SCAPER: variants seen among roughly 807,000 people sequenced by gnomAD.
SCAPER encodes the protein S phase cyclin A-associated protein in the endoplasmic reticulum.
A neutral mutation model predicts 182.2 loss-of-function variants in SCAPER; 98 were observed. The observed-to-expected ratio is 0.54, with a 90% CI of 0.46 to 0.64. The LOEUF (loss-of-function observed/expected upper bound fraction) is 0.64, where lower values mean the gene tolerates loss of function less well. SCAPER is among the 30% of genes least tolerant of loss of function. The pLI is 0.00. For missense variants in SCAPER, 1,432 were observed against 1,690.0 expected (o/e 0.85, Z 2.68); for synonymous variants, 605 against 564.6 (o/e 1.07, Z -1.01).
intron 20 of SCAPER, among the ~76,000 whole-genome samples, chr15:76,666,530 A>G (rs1476043056): frequency 4.0e-5 from 6 of 151,722 alleles, no homozygotes; most frequent in African/African-American, 1.5e-4. Context: ...CCTAAATCCA[A>G]CTCTCTCCCT....
intron 22 of SCAPER, among the ~76,000 whole-genome samples, chr15:76,607,488 T>A (rs1597648840): frequency 2.6e-5 from 4 of 152,142 alleles, no homozygotes; most frequent in Non-Finnish European, 2.9e-5. Context: ...TCTGACAATT[T>A]TGTGTCTTGG....
chr15:76,625,780 G>A lies in SCAPER; in HGVS notation c.2646-3951C>T, dbSNP rs76965214. 5.9e-3 allele frequency among the ~76,000 whole-genome samples: 902 copies of A among 152,228 alleles called. 4 individuals carry two copies. The highest frequency in any genetic ancestry group is 0.021 in the African/African-American group (869 of 41,534). On this transcript the variant is annotated intron_variant, in intron 21 of 31. Transcript: ENST00000563290. Reference sequence around the variant, plus strand: ...AGACGCAGGAGTCCACGGTGGGAATGTGGACTGCTGGGGATCACGCACTTC... The same window carrying A: ...AGACGCAGGAGTCCACGGTGGGAATATGGACTGCTGGGGATCACGCACTTC...
chr15:76,673,989 A>C (rs550681526), intron 20 of SCAPER, among the ~76,000 whole-genome samples: 22 of 143,428 alleles, frequency 1.5e-4, no homozygotes, highest in African/African-American at 4.8e-4. Flanking sequence ...ACACACACAC[A>C]CCCCAATCAG....
At chr15:76,384,656 A>G (rs1477900054) in intron 27 of SCAPER, among the ~76,000 whole-genome samples, 1 of 152,236 alleles carries the variant, frequency 6.6e-6, no homozygotes, top group East Asian at 1.9e-4. Flanking sequence ...CAAAATGCAT[A>G]AGATAGTGCT....
intron 8 of SCAPER, among the ~76,000 whole-genome samples, chr15:76,776,172 A>C (rs941102573): frequency 2.0e-5 from 3 of 152,152 alleles, no homozygotes; most frequent in Admixed American, 1.3e-4. Flanking sequence ...TCCAGACAGG[A>C]TGCTTCAACA....
Position 76,504,942 on chromosome 15 carries a change from A to G in SCAPER, c.2871T>C (p.Ala957=). The change falls in exon 24 of 32, where the codon GCT becomes GCC. Residue 957 remains alanine (A), a synonymous_variant. Transcript: ENST00000563290. ...TGTGTTCAAGGGCTGTTAATCCACC[A>G]GCAGCTTGAAATGCAATCTGATCTG... ...NVADQIAFQA[A]GGLTALEHIL... is the part of the protein sequence containing the mutation. 6.2e-7 allele frequency: 1 copy of G among 1,612,836 alleles called. No individual in the cohort carries two copies. The highest frequency in any genetic ancestry group is 2.2e-5 in the East Asian group (1 of 44,834).
At chr15:76,520,093 T>C (rs2042726584) in intron 23 of SCAPER, among the ~76,000 whole-genome samples, 1 of 152,230 alleles carries the variant, frequency 6.6e-6, no homozygotes, top group African/African-American at 2.4e-5. Flanking sequence ...ACCTCTAGAT[T>C]GTGTTTAGTC....
At chr15:76,633,652 C>G (rs2053346772) in intron 21 of SCAPER, among the ~76,000 whole-genome samples, 1 of 152,160 alleles carries the variant, frequency 6.6e-6, no homozygotes, top group Non-Finnish European at 1.5e-5. Context: ...GGAGGCCTTG[C>G]CTGGTGAGGA....
chr15:76,398,768 G>A (rs182572504), intron 27 of SCAPER, among the ~76,000 whole-genome samples: 11 of 152,276 alleles, frequency 7.2e-5, no homozygotes, highest in African/African-American at 2.6e-4. Context: ...GAATTCACAA[G>A]TCTTTTCCAA....
At chr15:76,711,608 T>C (rs759304126) in intron 17 of SCAPER, among the ~76,000 whole-genome samples, 2 of 151,888 alleles carry the variant, frequency 1.3e-5, no homozygotes, top group African/African-American at 4.8e-5. Flanking sequence ...TATGAAAAAA[T>C]AGTTTTTAAT....
intron 23 of SCAPER, among the ~76,000 whole-genome samples, chr15:76,542,984 A>AAT (rs1278377455): frequency 1.3e-5 from 2 of 152,260 alleles, no homozygotes; most frequent in African/African-American, 2.4e-5. Context: ...TATACAGAAA[A>AAT]ATATATATAT....
chr15:76,624,392 A>G (rs2052380803), intron 21 of SCAPER, among the ~76,000 whole-genome samples: 1 of 152,234 alleles, frequency 6.6e-6, no homozygotes, highest in African/African-American at 2.4e-5. Flanking sequence ...TACTGAAATA[A>G]ATCATATATG....
chr15:76,679,343 A>G (rs1376557492), intron 20 of SCAPER, among the ~76,000 whole-genome samples: 1 of 152,212 alleles, frequency 6.6e-6, no homozygotes. Context: ...TGACAGTTCC[A>G]TTATATTTAA....
intron 8 of SCAPER, among the ~76,000 whole-genome samples, chr15:76,785,900 T>C (rs1047409398): frequency 1.3e-5 from 2 of 151,994 alleles, no homozygotes; most frequent in Non-Finnish European, 2.9e-5. Context: ...GTGGGAGGGA[T>C]AGCATTAGGA....
At chr15:76,389,904 C>G (rs550916897) in intron 27 of SCAPER, among the ~76,000 whole-genome samples, 1 of 151,408 alleles carries the variant, frequency 6.6e-6, no homozygotes, top group Non-Finnish European at 1.5e-5. Flanking sequence ...GCTCAGATAC[C>G]TGGGAGAATT....
At chr15:76,442,144 G>A (rs1268604428) in intron 25 of SCAPER, among the ~76,000 whole-genome samples, 3 of 152,044 alleles carry the variant, frequency 2.0e-5, no homozygotes, top group African/African-American at 7.2e-5. Context: ...AATTTTGCAC[G>A]CAAAATCCTT....
At chr15:76,763,753 T>C (rs1398982295) in intron 14 of SCAPER, among the ~76,000 whole-genome samples, 1 of 152,326 alleles carries the variant, frequency 6.6e-6, no homozygotes, top group African/African-American at 2.4e-5. Context: ...TGAAGCTCTC[T>C]ACTGCATTTT....
intron 2 of SCAPER, among the ~76,000 whole-genome samples, chr15:76,874,420 G>C (rs1283540650): frequency 1.3e-5 from 2 of 151,392 alleles, no homozygotes; most frequent in Non-Finnish European, 2.9e-5. Context: ...TAAATCCCAA[G>C]AAAGGAAGTA....
chr15:76,901,563 T>C lies in SCAPER; in HGVS notation c.-60+3736A>G, dbSNP rs558468795. Among the ~76,000 whole-genome samples, 155 of 152,336 alleles carry C rather than the reference T, an allele frequency of 1.0e-3. 1 individual carries two copies. Among genetic ancestry groups the C allele is most frequent in the Middle Eastern group, 3.4e-3 (1 of 294 alleles). The stretch of plus-strand genomic sequence containing the variant: ...ATATATAGCTAATTTTTGAAATAGA[T>C]TGATACATAGCAGTTCATCATACTA... On this transcript the variant is annotated intron_variant, in intron 1 of 31. Transcript: ENST00000563290.
Sources: allele counts gnomAD v4.1 joint callset (sites outside exome capture counted in the v4.1 genomes callset), GRCh38; gene constraint gnomAD v4.1.1; transcripts MANE v1.5; gene names NCBI Gene and HGNC (gene_info 2026-07-23, HGNC 2026-07-21).